The following TBC1D19 variants were observed in gnomAD, a reference collection of about 807,000 sequenced individuals.
TBC1D19 encodes the protein TBC1 domain family, member 19.
TBC1D19 carries 60 observed loss-of-function variants against 89.0 expected under a neutral mutation model. The observed-to-expected ratio is 0.67, with a 90% CI of 0.55 to 0.84. The LOEUF (loss-of-function observed/expected upper bound fraction) is 0.84, where lower values mean the gene tolerates loss of function less well. TBC1D19 is among the 40% of genes least tolerant of loss of function. The probability of loss-of-function intolerance (pLI) is 0.00; values close to 1 mark genes in which losing one functional copy is unlikely to be tolerated. For missense variants in TBC1D19, 500 were observed against 610.8 expected, an observed-to-expected ratio of 0.82 and a Z score of 1.91; for synonymous variants, 189 against 199.7, an observed-to-expected ratio of 0.95 and a Z score of 0.45.
intron 5 of TBC1D19, 49 bp downstream of exon 5, chr4:26,637,334 C>A: frequency 7.4e-7 from 1 of 1,349,846 alleles, no homozygotes; most frequent in Admixed American, 1.9e-5. Flanking sequence ...GAATCAAATA[C>A]AGAAAGTATC....
At chr4:26,707,356 G>A (rs1167630760) in intron 13 of TBC1D19, among the ~76,000 whole-genome samples, 1 of 151,800 alleles carries the variant, frequency 6.6e-6, no homozygotes, top group Non-Finnish European at 1.5e-5. Flanking sequence ...CAGTCACCTT[G>A]CTCTCTTTTG....
intron 4 of TBC1D19, among the ~76,000 whole-genome samples, chr4:26,631,101 C>T (rs1742777387): frequency 6.6e-6 from 1 of 152,048 alleles, no homozygotes. Flanking sequence ...TTGGAAAAGA[C>T]CTCTCCACCT....
intron 1 of TBC1D19, among the ~76,000 whole-genome samples, chr4:26,594,023 A>G (rs1157135777): frequency 2.0e-5 from 3 of 152,216 alleles, no homozygotes; most frequent in African/African-American, 7.2e-5. Flanking sequence ...TCATGCTGCT[A>G]TAAAGACACA....
At chr4:26,789,110 GTTTGAATC>G in the TBC1D19 span, among the ~76,000 whole-genome samples, 61 of 152,272 alleles carry the variant, frequency 4.0e-4, no homozygotes, top group African/African-American at 1.4e-3. Flanking sequence ...AATAACTTGG[GTTTGAATC>G]TTAGCTCCAT....
chr4:26,691,587 T>A lies in TBC1D19; in HGVS notation c.954+3180T>A, dbSNP rs1714298819. Among the ~76,000 whole-genome samples the A allele has an allele frequency of 2.1e-5, 3 of 143,658 alleles. No individual in the cohort carries two copies. The South Asian group carries it at 6.3e-4, about 30-fold the overall frequency. The allele number at this position is 143,658 out of a possible 152,430, so 94.2% of individuals were successfully genotyped here. On this transcript the variant is annotated intron_variant, in intron 13 of 20. Transcript: ENST00000264866. ...CTGAAGATTCAGATGGTTATTAGCA[T>A]TTTTTTTTTAGCAAGAAAGTATTTT...
At chr4:26,729,812 T>C (rs1717540548) in intron 15 of TBC1D19, among the ~76,000 whole-genome samples, 1 of 152,226 alleles carries the variant, frequency 6.6e-6, no homozygotes, top group South Asian at 2.1e-4. Context: ...GGCTAGAGTG[T>C]GAGCTCTATA....
chr4:26,834,800 C>T, the TBC1D19 span, among the ~76,000 whole-genome samples: 1 of 152,196 alleles, frequency 6.6e-6, no homozygotes, highest in Non-Finnish European at 1.5e-5. Flanking sequence ...GAGACCCCAT[C>T]TACGTTCATG....
intron 1 of TBC1D19, among the ~76,000 whole-genome samples, chr4:26,586,373 C>A (rs1739418348): frequency 6.6e-6 from 1 of 151,978 alleles, no homozygotes; most frequent in African/African-American, 2.4e-5. Context: ...CTTTTTGTAA[C>A]TTTATAGTAA....
chr4:26,584,237 T>C lies in TBC1D19; in HGVS notation c.44T>C (p.Ile15Thr), dbSNP rs762678065. The change falls in exon 1 of 21, where the codon ATA becomes ACA. Residue 15 changes from isoleucine to threonine, a missense_variant. Ile to Thr is a moderately conservative substitution (Grantham distance 89, BLOSUM62 -1). Coordinates refer to ENST00000264866, the MANE Select transcript of TBC1D19 (RefSeq NM_018317.4). ...GACCTCTCTCTCATTATTGCCCAGA[T>C]AGTCCAAAAGCTCAAGGGCTCCAAT... ...ESDLSLIIAQ[I>T]VQKLKGSNLY... The C allele has an allele frequency of 6.2e-7, 1 of 1,613,052 alleles. No individual in the cohort carries two copies. Among genetic ancestry groups the C allele is most frequent in the Non-Finnish European group, 8.5e-7 (1 of 1,179,734 alleles).
intron 13 of TBC1D19, among the ~76,000 whole-genome samples, chr4:26,689,928 A>C (rs1200968559): frequency 2.0e-5 from 3 of 152,224 alleles, no homozygotes; most frequent in Non-Finnish European, 4.4e-5. Flanking sequence ...ATGCCTAGTG[A>C]GGACGGCATG....
intron 15 of TBC1D19, among the ~76,000 whole-genome samples, chr4:26,732,952 C>G (rs986827628): frequency 6.6e-6 from 1 of 152,144 alleles, no homozygotes; most frequent in African/African-American, 2.4e-5. Context: ...GTCTACAATT[C>G]AGTGTTAAAC....
intron 4 of TBC1D19, among the ~76,000 whole-genome samples, chr4:26,629,468 G>A (rs1334398918): frequency 1.3e-5 from 2 of 151,878 alleles, no homozygotes; most frequent in Admixed American, 6.6e-5. Context: ...CCAACATCTG[G>A]CACAGTCCCC....
the TBC1D19 span, among the ~76,000 whole-genome samples, chr4:26,810,363 T>C: frequency 2.0e-5 from 3 of 152,316 alleles, no homozygotes; most frequent in Admixed American, 2.0e-4. Flanking sequence ...TAATTGTATC[T>C]TGACCTGTGA....
chr4:26,773,630 G>A, the TBC1D19 span, among the ~76,000 whole-genome samples: 20 of 152,230 alleles, frequency 1.3e-4, no homozygotes, highest in South Asian at 3.9e-3. Context: ...TCCATCTTGA[G>A]TTAATTTTTA....
At chr4:26,683,365 G>A (rs1459424800) in intron 11 of TBC1D19, among the ~76,000 whole-genome samples, 3 of 152,146 alleles carry the variant, frequency 2.0e-5, no homozygotes, top group African/African-American at 7.2e-5. Flanking sequence ...GTTAACTCTT[G>A]TAAAGTGGGT....
intron 13 of TBC1D19, 50 bp downstream of exon 13, chr4:26,688,457 A>G (rs1487158411): frequency 2.1e-6 from 3 of 1,462,076 alleles, no homozygotes; most frequent in South Asian, 1.3e-5. Context: ...GGTTCTCTAT[A>G]TCATGATACT....
the TBC1D19 span, among the ~76,000 whole-genome samples, chr4:26,796,565 G>A: frequency 6.6e-6 from 1 of 152,074 alleles, no homozygotes; most frequent in Non-Finnish European, 1.5e-5. Flanking sequence ...CAGGAGTGGT[G>A]GTTCATGCCT....
chr4:26,842,644 C>CTTTCT, the TBC1D19 span, among the ~76,000 whole-genome samples: 8 of 99,188 alleles, frequency 8.1e-5, no homozygotes, highest in African/African-American at 3.1e-4. Context: ...TTCTTTCTTT[C>CTTTCT]TTTTTCTTTC....
intron 7 of TBC1D19, among the ~76,000 whole-genome samples, chr4:26,650,319 A>T (rs75479931): frequency 6.6e-6 from 1 of 151,850 alleles, no homozygotes; most frequent in Non-Finnish European, 1.5e-5. Context: ...ACTAGTTTAC[A>T]GTCCCACCAA....
Sources: allele counts gnomAD v4.1 joint callset (sites outside exome capture counted in the v4.1 genomes callset), GRCh38; gene constraint gnomAD v4.1.1; transcripts MANE v1.5; gene names NCBI Gene and HGNC (gene_info 2026-07-23, HGNC 2026-07-21).